CACNA1C: variants seen among roughly 807,000 people sequenced by gnomAD.
CACNA1C encodes the protein calcium voltage-gated channel subunit alpha1 C, also known as voltage-dependent L-type calcium channel subunit alpha-1C.
A neutral mutation model predicts 229.0 loss-of-function variants in CACNA1C; 30 were observed. That is an observed-to-expected ratio of 0.13 (90% CI 0.10 to 0.18). CACNA1C has a LOEUF of 0.18. CACNA1C is among the 10% of genes least tolerant of loss of function. CACNA1C has a pLI of 1.00. For synonymous variants in CACNA1C, 1,114 were observed against 1,132.5 expected, an observed-to-expected ratio of 0.98 and a Z score of 0.33; for missense variants, 1,658 against 2,845.0, an observed-to-expected ratio of 0.58 and a Z score of 9.49.
chr12:2,682,617 G>A lies in CACNA1C; in HGVS notation c.5512G>A (p.Glu1838Lys). Reference protein sequence around the residue: ...QEETSQDETYEVKMNHDTEAC... With the variant: ...QEETSQDETYKVKMNHDTEAC... ...GGAGACGTCTCAGGATGAGACCTATGAAGTGAAGATGAACCATGACACGGA... is the reference window on the plus strand; with the variant it reads ...GGAGACGTCTCAGGATGAGACCTATAAAGTGAAGATGAACCATGACACGGA... Residue 1838 changes from glutamate (E) to lysine (K), a missense_variant, in exon 43 of 47, where the codon GAA becomes AAA. Glu to Lys is a moderately conservative substitution (Grantham distance 56). Transcript: ENST00000399655. 6.2e-7 allele frequency: 1 copy of A among 1,612,662 alleles called. No individual in the cohort carries two copies. The highest frequency in any genetic ancestry group is 8.5e-7 in the Non-Finnish European group (1 of 1,179,588).
intron 2 of CACNA1C, among the ~76,000 whole-genome samples, chr12:2,117,798 G>A (rs767309658): frequency 1.3e-5 from 2 of 152,322 alleles, no homozygotes; most frequent in South Asian, 2.1e-4. Flanking sequence ...CCACCCCTCC[G>A]GGGGAGTGTG....
At chr12:2,582,794 C>G in intron 14 of CACNA1C, 28 bp from the exon 15 acceptor site, 1 of 1,612,648 alleles carries the variant, frequency 6.2e-7, no homozygotes, top group Non-Finnish European at 8.5e-7. Flanking sequence ...AACGCTGTGT[C>G]CCTTATTGGT....
chr12:2,266,977 A>G (rs2154410452), intron 3 of CACNA1C, among the ~76,000 whole-genome samples: 1 of 152,290 alleles, frequency 6.6e-6, no homozygotes, highest in South Asian at 2.1e-4. Context: ...TATTTATTAA[A>G]CGCTTATGTT....
At chr12:2,234,142 G>C (rs1429165896) in intron 3 of CACNA1C, among the ~76,000 whole-genome samples, 1 of 152,166 alleles carries the variant, frequency 6.6e-6, no homozygotes, top group African/African-American at 2.4e-5. Flanking sequence ...GGACGATGCA[G>C]CCTTTTCAAA....
chr12:2,286,220 AT>A (rs1476236202), intron 3 of CACNA1C, among the ~76,000 whole-genome samples: 2 of 152,156 alleles, frequency 1.3e-5, no homozygotes, highest in Non-Finnish European at 1.5e-5. Flanking sequence ...TTGACCTTCC[AT>A]TTAGAGTTAA....
intron 20 of CACNA1C, among the ~76,000 whole-genome samples, chr12:2,596,601 C>T (rs566396742): frequency 1.3e-4 from 20 of 152,314 alleles, no homozygotes; most frequent in African/African-American, 4.8e-4. Context: ...GCTCCTGGGG[C>T]CTGCTTGGTC....
chr12:2,317,386 T>C (rs1484939703), intron 3 of CACNA1C, among the ~76,000 whole-genome samples: 4 of 152,166 alleles, frequency 2.6e-5, no homozygotes, highest in Non-Finnish European at 5.9e-5. Context: ...GAAGAGAAAT[T>C]AGCCAGTCAC....
intron 3 of CACNA1C, among the ~76,000 whole-genome samples, chr12:2,327,061 C>G (rs1426701950): frequency 1.3e-5 from 2 of 151,744 alleles, no homozygotes; most frequent in African/African-American, 4.9e-5. Flanking sequence ...CATCTTGGAC[C>G]ATGAGTAGGA....
intron 9 of CACNA1C, among the ~76,000 whole-genome samples, chr12:2,532,949 T>C (rs774954381): frequency 4.6e-5 from 7 of 152,218 alleles, no homozygotes; most frequent in Non-Finnish European, 1.0e-4. Context: ...CCCTGTTCTC[T>C]GGATTTCAAA....
intron 29 of CACNA1C, among the ~76,000 whole-genome samples, chr12:2,626,557 C>A (rs2086684108): frequency 1.3e-5 from 2 of 152,188 alleles, no homozygotes; most frequent in African/African-American, 4.8e-5. Context: ...CTTAAAGTTG[C>A]CTGTGTGCAT....
intron 3 of CACNA1C, among the ~76,000 whole-genome samples, chr12:2,378,779 G>GTCCT (rs146245294): frequency 0.24 from 33,888 of 143,820 alleles, 4,675 homozygotes; most frequent in African/African-American, 0.37. Context: ...GTTTATTTGG[G>GTCCT]TCCTTCCTTC....
chr12:2,047,090 G>C (rs912512282), intron 1 of CACNA1C, among the ~76,000 whole-genome samples: 1 of 152,158 alleles, frequency 6.6e-6, no homozygotes, highest in Non-Finnish European at 1.5e-5. Flanking sequence ...CCACAGTAGC[G>C]GCCAGTGCAC....
intron 3 of CACNA1C, among the ~76,000 whole-genome samples, chr12:2,371,943 A>G (rs1035656391): frequency 6.6e-6 from 1 of 152,116 alleles, no homozygotes; most frequent in Non-Finnish European, 1.5e-5. Flanking sequence ...ATGTTCCTAG[A>G]TGGTGGGGAA....
chr12:2,257,084 G>A (rs2078212213), intron 3 of CACNA1C, among the ~76,000 whole-genome samples: 1 of 152,174 alleles, frequency 6.6e-6, no homozygotes, highest in African/African-American at 2.4e-5. Flanking sequence ...TTCGTTGGTG[G>A]CTTTCCAGGC....
chr12:2,154,821 G>A (rs868439923), intron 3 of CACNA1C, among the ~76,000 whole-genome samples: 1 of 152,190 alleles, frequency 6.6e-6, no homozygotes, highest in Non-Finnish European at 1.5e-5. Flanking sequence ...TATCAGCCTT[G>A]TCTTGCCAAT....
At chr12:2,116,423 G>A (rs1439694603) in intron 2 of CACNA1C, among the ~76,000 whole-genome samples, 1 of 151,162 alleles carries the variant, frequency 6.6e-6, no homozygotes, top group Non-Finnish European at 1.5e-5. Flanking sequence ...CCAGGCTGGA[G>A]TGCAGTGGTG....
intron 10 of CACNA1C, among the ~76,000 whole-genome samples, chr12:2,550,994 G>A (rs1413018926): frequency 6.6e-6 from 1 of 152,220 alleles, no homozygotes; most frequent in African/African-American, 2.4e-5. Flanking sequence ...TTGTCAAAAT[G>A]TTGTTAAAAT....
At chr12:2,251,856 A>G (rs1386825996) in intron 3 of CACNA1C, among the ~76,000 whole-genome samples, 1 of 152,204 alleles carries the variant, frequency 6.6e-6, no homozygotes, top group Non-Finnish European at 1.5e-5. Flanking sequence ...CCTCTGATTG[A>G]TCCTAAATCA....
chr12:2,462,895 G>A (rs987197871), intron 5 of CACNA1C, among the ~76,000 whole-genome samples: 1 of 151,172 alleles, frequency 6.6e-6, no homozygotes, highest in Non-Finnish European at 1.5e-5. Context: ...TAGTGTTAGA[G>A]GCCCCAAAAG....
Sources: gnomAD v4.1 joint callset for allele counts (sites outside exome capture counted in the v4.1 genomes callset) on GRCh38, gnomAD v4.1.1 for gene constraint, MANE v1.5 for transcripts, NCBI Gene and HGNC (gene_info 2026-07-23, HGNC 2026-07-21) for gene names.